The following EXTL3 variants were observed in gnomAD, a reference collection of about 807,000 sequenced individuals.
EXTL3 encodes exostosin-like 3.
Under a neutral mutation model 69.3 loss-of-function variants are expected in EXTL3, and 27 were observed. The ratio of observed to expected loss-of-function variants is 0.39; its 90% CI spans 0.29 to 0.54. The LOEUF (loss-of-function observed/expected upper bound fraction) is 0.54, where lower values mean the gene tolerates loss of function less well. Ranked by LOEUF, EXTL3 falls within the 20% of genes least tolerant of loss-of-function variation. The pLI is 0.69. For missense variants in EXTL3, 1,003 were observed against 1,231.8 expected (o/e 0.81, Z 2.78); for synonymous variants, 511 against 499.4 (o/e 1.02, Z -0.31).
At chr8:28,701,880 G>A (rs1234332234) in intron 1 of EXTL3, among the ~76,000 whole-genome samples, 1 of 152,142 alleles carries the variant, frequency 6.6e-6, no homozygotes, top group Non-Finnish European at 1.5e-5. Context: ...AGGCCGCCAG[G>A]CCCTCGGCCG....
At chr8:28,718,900 G>T (rs1281654054) in intron 3 of EXTL3, among the ~76,000 whole-genome samples, 1 of 152,232 alleles carries the variant, frequency 6.6e-6, no homozygotes, top group Admixed American at 6.5e-5. Context: ...TATTTTACAG[G>T]AAAAATAATA....
At chr8:28,741,779 A>C (rs921225701) in intron 5 of EXTL3, 2 of 152,220 alleles carry the variant, frequency 1.3e-5, no homozygotes, top group Non-Finnish European at 2.9e-5. Context: ...TTTGTTAAAA[A>C]AAAAATTACA....
Position 28,717,026 on chromosome 8 carries a change from A to T in EXTL3, c.967A>T (p.Met323Leu). The T allele has an allele frequency of 6.2e-7, 1 of 1,614,216 alleles. No individual in the cohort carries two copies. The highest frequency in any genetic ancestry group is 1.3e-5 in the African/African-American group (1 of 75,054). ...GGTCGTATCACCGCTGGTCCATGCCATGTCTGAGCCCAACTTCATGGAAAT... is the reference window on the plus strand; with the variant it reads ...GGTCGTATCACCGCTGGTCCATGCCTTGTCTGAGCCCAACTTCATGGAAAT... ...DLVVSPLVHA[M>L]SEPNFMEIPP... The change falls in exon 3 of 7, where the codon ATG becomes TTG. Residue 323 changes from methionine to leucine, a missense_variant. Physicochemically the swap from Met to Leu is conservative, Grantham distance 15. Coordinates refer to ENST00000220562, the MANE Select transcript of EXTL3 (RefSeq NM_001440.4). The surrounding 1 kb of genome is among the most constrained non-coding windows in gnomAD (Gnocchi z 8.3).
At position 28,754,275 on chromosome 8, in the gene EXTL3, T is replaced by A. The variant is rs1802072953; in HGVS notation, c.*3409T>A. On this transcript the variant is annotated 3_prime_UTR_variant, in exon 7 of 7. Coordinates refer to ENST00000220562, the MANE Select transcript of EXTL3 (RefSeq NM_001440.4). ...CTTGGCTGTGGGATCAGAGGCTTCCTCAGGAGAGGGCACTGAGCTGTGGGC... is the reference window on the plus strand; with the variant it reads ...CTTGGCTGTGGGATCAGAGGCTTCCACAGGAGAGGGCACTGAGCTGTGGGC... The A allele has an allele frequency of 6.6e-6, 1 of 152,346 alleles. No individual in the cohort carries two copies. 9.4% of individuals were successfully genotyped at this position (152,346 alleles called of 1,614,324 possible).
At chr8:28,695,783 T>A (rs1170961191) in intron 1 of EXTL3, among the ~76,000 whole-genome samples, 1 of 151,934 alleles carries the variant, frequency 6.6e-6, no homozygotes, top group Non-Finnish European at 1.5e-5. Context: ...CAGTGTCTTA[T>A]GTGTCTAAGA....
chr8:28,684,054 T>A (rs1807537615), intron 1 of EXTL3, among the ~76,000 whole-genome samples: 1 of 152,172 alleles, frequency 6.6e-6, no homozygotes, highest in Admixed American at 6.5e-5. Context: ...CCTGGCTAAT[T>A]TCATTTAACA....
intron 2 of EXTL3, among the ~76,000 whole-genome samples, chr8:28,610,215 A>ATGTGTGTGTGTGTGTGTG (rs367793242): frequency 0.01 from 1,537 of 149,390 alleles, 37 homozygotes; most frequent in African/African-American, 0.035. Context: ...AAATATGTAT[A>ATGTGTGTGTGTGTGTGTG]TGTGTGTGTG....
At chr8:28,668,420 G>A (rs1425803028) in intron 1 of EXTL3, among the ~76,000 whole-genome samples, 2 of 138,044 alleles carry the variant, frequency 1.4e-5, no homozygotes, top group African/African-American at 5.6e-5. Flanking sequence ...CAACCTCCGC[G>A]TCCCAGGTTC....
intron 1 of EXTL3, among the ~76,000 whole-genome samples, chr8:28,635,004 T>G (rs1267651768): frequency 6.6e-6 from 1 of 152,034 alleles, no homozygotes; most frequent in Non-Finnish European, 1.5e-5. Context: ...CGTTGTAAAC[T>G]TAGCACCCCA....
chr8:28,680,980 C>T (rs944698965), intron 1 of EXTL3, among the ~76,000 whole-genome samples: 2 of 151,954 alleles, frequency 1.3e-5, no homozygotes, highest in Admixed American at 6.6e-5. Context: ...TGGGTTCAAG[C>T]GATTCTCCTG....
chr8:28,732,991 C>T (rs1801571532), intron 4 of EXTL3, among the ~76,000 whole-genome samples: 1 of 152,222 alleles, frequency 6.6e-6, no homozygotes, highest in African/African-American at 2.4e-5. Context: ...CTCGGCCTCC[C>T]AGAGTGCTGG....
intron 1 of EXTL3, among the ~76,000 whole-genome samples, chr8:28,670,208 CA>C (rs369464596): frequency 5.0e-5 from 4 of 80,404 alleles, no homozygotes; most frequent in African/African-American, 1.0e-4. Context: ...GACTCTGTCT[CA>C]AAAAAAAAAA....
chr8:28,670,207 T>TAAAAAAAA (rs1563442495), intron 1 of EXTL3, among the ~76,000 whole-genome samples: 2 of 3,380 alleles, frequency 5.9e-4, no homozygotes, highest in Admixed American at 2.6e-3. Context: ...AGACTCTGTC[T>TAAAAAAAA]CAAAAAAAAA....
chr8:28,736,010 G>A (rs1442718367), intron 4 of EXTL3, among the ~76,000 whole-genome samples: 2 of 152,176 alleles, frequency 1.3e-5, no homozygotes, highest in African/African-American at 4.8e-5. Flanking sequence ...TGGGAGTGGG[G>A]ATTAGTGTTT....
chr8:28,734,081 G>A (rs1297903081), intron 4 of EXTL3, among the ~76,000 whole-genome samples: 1 of 152,086 alleles, frequency 6.6e-6, no homozygotes, highest in African/African-American at 2.4e-5. Flanking sequence ...GCCTCCCAAA[G>A]TGCTGGGATT....
rs76277646 is a variant in EXTL3, at chr8:28,711,128, A to G, written c.-569-2329A>G. ...TTTGTGTTTTCCAAGGAGTTGGTCTATTTCACTGAAGTGTATAGAGTTGTT... is the reference window on the plus strand; with the variant it reads ...TTTGTGTTTTCCAAGGAGTTGGTCTGTTTCACTGAAGTGTATAGAGTTGTT... On this transcript the variant is annotated intron_variant, in intron 1 of 6. Transcript: ENST00000220562. 7.7e-3 allele frequency among the ~76,000 whole-genome samples: 1,178 copies of G among 152,250 alleles called. 4 individuals are homozygous for G. Among genetic ancestry groups the G allele is most frequent in the Middle Eastern group, 0.02 (6 of 294 alleles).
chr8:28,735,959 G>A (rs1483208349), intron 4 of EXTL3, among the ~76,000 whole-genome samples: 1 of 152,178 alleles, frequency 6.6e-6, no homozygotes, highest in Non-Finnish European at 1.5e-5. Flanking sequence ...GTCATTCATA[G>A]AGACGGAGAG....
At chr8:28,677,429 G>C (rs1264380058) in intron 1 of EXTL3, among the ~76,000 whole-genome samples, 4 of 152,112 alleles carry the variant, frequency 2.6e-5, no homozygotes, top group African/African-American at 9.7e-5. Flanking sequence ...GAGACCTAAA[G>C]GGATGACTCG....
chr8:28,645,919 G>T (rs1001221177), intron 1 of EXTL3, among the ~76,000 whole-genome samples: 1 of 151,876 alleles, frequency 6.6e-6, no homozygotes, highest in Non-Finnish European at 1.5e-5. Flanking sequence ...CTGGAGTGTG[G>T]TGTTGTGATC....
Sources: gnomAD v4.1 joint callset for allele counts (sites outside exome capture counted in the v4.1 genomes callset) on GRCh38, gnomAD v4.1.1 for gene constraint, Gnocchi (gnomAD v3.1) non-coding constraint, MANE v1.5 for transcripts, NCBI Gene and HGNC (gene_info 2026-07-23, HGNC 2026-07-21) for gene names.